DCC: variants seen among roughly 807,000 people sequenced by gnomAD.
DCC encodes DCC netrin 1 receptor.
DCC carries 58 observed loss-of-function variants against 172.5 expected under a neutral mutation model. The ratio of observed to expected loss-of-function variants is 0.34; its 90% CI spans 0.27 to 0.42. DCC has a LOEUF of 0.42. Ranked by LOEUF, DCC falls within the 10% of genes least tolerant of loss-of-function variation. DCC has a pLI of 1.00. For synonymous variants in DCC, 709 were observed against 644.5 expected (o/e 1.10, Z -1.52); for missense variants, 1,740 against 1,791.0 (o/e 0.97, Z 0.51).
intron 2 of DCC, among the ~76,000 whole-genome samples, chr18:52,887,548 G>A (rs182984637): frequency 2.6e-5 from 4 of 152,190 alleles, no homozygotes; most frequent in Non-Finnish European, 5.9e-5. Context: ...TGATAGAATC[G>A]AGGGTCACTT....
intron 5 of DCC, among the ~76,000 whole-genome samples, chr18:52,930,353 G>GA (rs1259389293): frequency 6.6e-6 from 1 of 152,042 alleles, no homozygotes; most frequent in East Asian, 1.9e-4. Context: ...CAGCTACTCA[G>GA]GAATCTGAAG....
chr18:52,961,833 A>C (rs1220929759), intron 5 of DCC, among the ~76,000 whole-genome samples: 1 of 152,112 alleles, frequency 6.6e-6, no homozygotes, highest in Non-Finnish European at 1.5e-5. Context: ...TCTTTGACAA[A>C]CCTGAGAAAA....
At chr18:53,328,244 T>C (rs978411253) in intron 14 of DCC, among the ~76,000 whole-genome samples, 8 of 152,106 alleles carry the variant, frequency 5.3e-5, no homozygotes, top group African/African-American at 7.2e-5. Flanking sequence ...CTTCTATGAG[T>C]TGCTTGACTT....
intron 12 of DCC, among the ~76,000 whole-genome samples, chr18:53,269,366 A>G (rs547186676): frequency 6.6e-6 from 1 of 152,196 alleles, no homozygotes; most frequent in Non-Finnish European, 1.5e-5. Context: ...TTTAACAACA[A>G]TGGTCTATTT....
intron 1 of DCC, among the ~76,000 whole-genome samples, chr18:52,751,542 G>A (rs1234491781): frequency 2.0e-5 from 3 of 152,122 alleles, no homozygotes; most frequent in Non-Finnish European, 4.4e-5. Context: ...AAACCCACCT[G>A]AGCTTTGTCC....
chr18:53,421,655 A>G lies in DCC; in HGVS notation c.3163+5499A>G, dbSNP rs533330254. Reference sequence around the variant, plus strand: ...CACTGGAATGGAATTAGATACTTTCAGTTCTAGCACAGTCCTGCCACTGGG... The same window carrying G: ...CACTGGAATGGAATTAGATACTTTCGGTTCTAGCACAGTCCTGCCACTGGG... On this transcript the variant is annotated intron_variant, in intron 21 of 28. Transcript: ENST00000442544. 3.9e-5 allele frequency among the ~76,000 whole-genome samples: 6 copies of G among 152,336 alleles called. No homozygotes were observed. The East Asian group carries it at 9.6e-4, about 24-fold the overall frequency.
At chr18:53,528,256 A>G (rs1032750012) in intron 28 of DCC, among the ~76,000 whole-genome samples, 3 of 152,140 alleles carry the variant, frequency 2.0e-5, no homozygotes, top group Non-Finnish European at 4.4e-5. Context: ...TTTTAACGAC[A>G]TAGAGATCAG....
At chr18:53,280,441 A>G (rs1391992911) in intron 12 of DCC, among the ~76,000 whole-genome samples, 1 of 152,126 alleles carries the variant, frequency 6.6e-6, no homozygotes, top group East Asian at 1.9e-4. Context: ...TCAATCTCCA[A>G]TCTTGTTCCT....
At chr18:53,122,232 T>C (rs762627593) in intron 7 of DCC, among the ~76,000 whole-genome samples, 23 of 152,018 alleles carry the variant, frequency 1.5e-4, no homozygotes, top group Non-Finnish European at 3.1e-4. Flanking sequence ...GGTATAGTTG[T>C]GATGCTCAGT....
intron 1 of DCC, among the ~76,000 whole-genome samples, chr18:52,505,836 A>G (rs2031211585): frequency 6.6e-6 from 1 of 152,222 alleles, no homozygotes; most frequent in South Asian, 2.1e-4. Context: ...TTCTGTCAGA[A>G]TAGCATTGTT....
At chr18:52,646,999 T>C (rs2144915084) in intron 1 of DCC, among the ~76,000 whole-genome samples, 1 of 152,306 alleles carries the variant, frequency 6.6e-6, no homozygotes, top group African/African-American at 2.4e-5. Flanking sequence ...TTATAATGAA[T>C]AACAAAAGAC....
chr18:53,191,039 C>G (rs555383395), intron 9 of DCC, among the ~76,000 whole-genome samples: 13 of 152,290 alleles, frequency 8.5e-5, no homozygotes, highest in African/African-American at 2.9e-4. Flanking sequence ...AACGACCATG[C>G]TAGGCACATA....
At chr18:52,958,360 A>G (rs1320650007) in intron 5 of DCC, among the ~76,000 whole-genome samples, 5 of 152,146 alleles carry the variant, frequency 3.3e-5, no homozygotes, top group Non-Finnish European at 5.9e-5. Flanking sequence ...ATTATTAATA[A>G]TATTGATCTG....
chr18:53,396,290 A>G (rs1406686836), intron 17 of DCC, among the ~76,000 whole-genome samples: 1 of 152,188 alleles, frequency 6.6e-6, no homozygotes, highest in Non-Finnish European at 1.5e-5. Context: ...CATATTTATA[A>G]GAGGAATAGT....
At chr18:52,545,350 C>T (rs1323808925) in intron 1 of DCC, among the ~76,000 whole-genome samples, 2 of 152,186 alleles carry the variant, frequency 1.3e-5, no homozygotes, top group Non-Finnish European at 1.5e-5. Flanking sequence ...CTGATGCTTT[C>T]CTGCAGTGAT....
intron 1 of DCC, among the ~76,000 whole-genome samples, chr18:52,554,350 C>T (rs1447069910): frequency 1.3e-5 from 2 of 152,064 alleles, no homozygotes; most frequent in African/African-American, 2.4e-5. Context: ...TTCTGAAACT[C>T]ATAGATGACA....
intron 1 of DCC, among the ~76,000 whole-genome samples, chr18:52,547,064 C>T (rs2032637309): frequency 6.6e-6 from 1 of 152,112 alleles, no homozygotes. Context: ...ATCATTTAAT[C>T]TAAAGTTCCT....
At chr18:52,410,157 C>T (rs1986796262) in intron 1 of DCC, among the ~76,000 whole-genome samples, 1 of 152,160 alleles carries the variant, frequency 6.6e-6, no homozygotes, top group South Asian at 2.1e-4. Flanking sequence ...GATGCTGTGA[C>T]TCATGCCTGT....
intron 2 of DCC, among the ~76,000 whole-genome samples, chr18:52,808,402 CTTT>C (rs11382141): frequency 1.6e-4 from 24 of 146,072 alleles, no homozygotes; most frequent in African/African-American, 2.5e-4. Context: ...CAAGATTTGG[CTTT>C]TTTTTTTTTT....
Sources: allele counts gnomAD v4.1 joint callset (sites outside exome capture counted in the v4.1 genomes callset), GRCh38; gene constraint gnomAD v4.1.1; transcripts MANE v1.5; gene names NCBI Gene and HGNC (gene_info 2026-07-23, HGNC 2026-07-21).